The following ASTN2 variants were observed in gnomAD, a reference collection of about 807,000 sequenced individuals.
ASTN2 encodes the protein astrotactin-2.
In ASTN2, 54 loss-of-function variants were observed where a neutral mutation model predicts 139.8. That is an observed-to-expected ratio of 0.39 (90% CI 0.31 to 0.48). ASTN2 has a LOEUF of 0.48. ASTN2 is among the 20% of genes least tolerant of loss of function. The probability of loss-of-function intolerance (pLI) is 0.95; values close to 1 mark genes in which losing one functional copy is unlikely to be tolerated. For missense variants in ASTN2, 1,565 were observed against 1,725.1 expected (o/e 0.91, Z 1.64); for synonymous variants, 756 against 719.5 (o/e 1.05, Z -0.81).
intron 2 of ASTN2, among the ~76,000 whole-genome samples, chr9:117,218,424 C>T (rs1173964685): frequency 1.3e-5 from 2 of 152,174 alleles, no homozygotes; most frequent in Non-Finnish European, 2.9e-5. Context: ...ATTGCAAGAA[C>T]TTGGTCAAAG....
chr9:116,678,045 C>G (rs902249932), intron 16 of ASTN2, among the ~76,000 whole-genome samples: 1 of 152,092 alleles, frequency 6.6e-6, no homozygotes, highest in African/African-American at 2.4e-5. Flanking sequence ...AAAATAGAAA[C>G]TTTAATGCCT....
intron 10 of ASTN2, among the ~76,000 whole-genome samples, chr9:116,908,113 C>G (rs1306029666): frequency 1.3e-5 from 2 of 152,168 alleles, no homozygotes; most frequent in Admixed American, 1.3e-4. Context: ...AGAAATGACA[C>G]AGTCTATAGA....
intron 20 of ASTN2, among the ~76,000 whole-genome samples, chr9:116,486,347 A>G (rs1034353146): frequency 1.3e-5 from 2 of 152,356 alleles, no homozygotes; most frequent in African/African-American, 2.4e-5. Flanking sequence ...GAAGTAATTG[A>G]TGAATGAATA....
At chr9:117,256,296 T>G (rs1588138723) in intron 2 of ASTN2, among the ~76,000 whole-genome samples, 2 of 152,140 alleles carry the variant, frequency 1.3e-5, no homozygotes, top group South Asian at 2.1e-4. Context: ...GCACATACAC[T>G]AAATGCTGGA....
intron 19 of ASTN2, among the ~76,000 whole-genome samples, chr9:116,535,511 G>A (rs986172551): frequency 6.6e-5 from 10 of 152,108 alleles, no homozygotes; most frequent in Non-Finnish European, 7.4e-5. Flanking sequence ...TCCTTTCCAT[G>A]TTTAGTTCTT....
At chr9:117,197,508 C>G (rs573649503) in intron 3 of ASTN2, 2 of 152,260 alleles carry the variant, frequency 1.3e-5, no homozygotes, top group African/African-American at 2.4e-5. Flanking sequence ...AATAAACTAT[C>G]AAATTGCTGC....
chr9:117,106,054 T>C (rs763237467), intron 4 of ASTN2, among the ~76,000 whole-genome samples: 50 of 152,154 alleles, frequency 3.3e-4, no homozygotes, highest in Non-Finnish European at 5.3e-4. Context: ...GATTTGAGTA[T>C]CTGAGGTTGG....
chr9:117,112,921 T>C (rs1210048594), intron 4 of ASTN2, among the ~76,000 whole-genome samples: 2 of 151,970 alleles, frequency 1.3e-5, no homozygotes, highest in African/African-American at 2.4e-5. Context: ...GATAAGCAAA[T>C]ACAAAATGGA....
chr9:117,229,632 T>A (rs1416747955), intron 2 of ASTN2, among the ~76,000 whole-genome samples: 1 of 152,184 alleles, frequency 6.6e-6, no homozygotes, highest in Non-Finnish European at 1.5e-5. Context: ...ATTAATTAGA[T>A]GAAGATGAAC....
chr9:116,633,616 C>T (rs562730999), intron 17 of ASTN2, among the ~76,000 whole-genome samples: 42 of 152,296 alleles, frequency 2.8e-4, no homozygotes, highest in South Asian at 2.3e-3. Context: ...TAAATGCTAG[C>T]TTAAGTTAAT....
chr9:117,098,913 G>A (rs1828903824), intron 4 of ASTN2, among the ~76,000 whole-genome samples: 1 of 151,992 alleles, frequency 6.6e-6, no homozygotes, highest in Non-Finnish European at 1.5e-5. Context: ...TTCGAGACCA[G>A]CCTGGGCAAC....
At chr9:117,288,560 C>T (rs557239539) in intron 2 of ASTN2, among the ~76,000 whole-genome samples, 5 of 152,296 alleles carry the variant, frequency 3.3e-5, no homozygotes, top group African/African-American at 1.2e-4. Context: ...CTGGGGAAAT[C>T]CTGGCCCCAG....
intron 10 of ASTN2, among the ~76,000 whole-genome samples, chr9:116,923,541 C>A (rs1357924037): frequency 6.6e-6 from 1 of 152,194 alleles, no homozygotes; most frequent in Non-Finnish European, 1.5e-5. Flanking sequence ...GATAGCTATA[C>A]AAAACTATTT....
intron 20 of ASTN2, among the ~76,000 whole-genome samples, chr9:116,449,827 A>G (rs2118914846): frequency 1.3e-5 from 2 of 152,286 alleles, no homozygotes; most frequent in Middle Eastern, 6.8e-3. Context: ...AGGAGAGGCC[A>G]TGTGTGGTTG....
At chr9:116,430,022 G>C (rs758295063) in intron 22 of ASTN2, among the ~76,000 whole-genome samples, 4 of 152,192 alleles carry the variant, frequency 2.6e-5, no homozygotes, top group Non-Finnish European at 5.9e-5. Context: ...AAAGAATAGG[G>C]AGACCAGTGA....
chr9:117,249,676 A>G (rs1226558469), intron 2 of ASTN2, among the ~76,000 whole-genome samples: 2 of 148,330 alleles, frequency 1.3e-5, no homozygotes, highest in Non-Finnish European at 3.0e-5. Flanking sequence ...GCATGACATG[A>G]AAACCACTGA....
chr9:117,402,695 G>A (rs2130964463), intron 1 of ASTN2, among the ~76,000 whole-genome samples: 1 of 152,296 alleles, frequency 6.6e-6, no homozygotes, highest in Admixed American at 6.5e-5. Flanking sequence ...TACTAAACAA[G>A]TATTCATTAT....
At chr9:116,844,182 T>C (rs1422083740) in intron 11 of ASTN2, among the ~76,000 whole-genome samples, 1 of 152,246 alleles carries the variant, frequency 6.6e-6, no homozygotes, top group African/African-American at 2.4e-5. Flanking sequence ...CATTGAGTGC[T>C]GTCACGAATG....
chr9:117,196,967 A>G (rs1355629417), intron 3 of ASTN2, among the ~76,000 whole-genome samples: 2 of 152,132 alleles, frequency 1.3e-5, no homozygotes, highest in African/African-American at 4.8e-5. Context: ...CAAACTTTCA[A>G]ATGCATGTGC....
Sources: gnomAD v4.1 joint callset for allele counts (sites outside exome capture counted in the v4.1 genomes callset) on GRCh38, gnomAD v4.1.1 for gene constraint, MANE v1.5 for transcripts, NCBI Gene and HGNC (gene_info 2026-07-23, HGNC 2026-07-21) for gene names.